The following PLPPR1 variants were observed in gnomAD, a reference collection of about 807,000 sequenced individuals.
PLPPR1 encodes phospholipid phosphatase related 1, also known as phospholipid phosphatase-related protein type 1.
A neutral mutation model predicts 33.1 loss-of-function variants in PLPPR1; 10 were observed. That is an observed-to-expected ratio of 0.30 (90% CI 0.19 to 0.51). The LOEUF (loss-of-function observed/expected upper bound fraction) is 0.51, where lower values mean the gene tolerates loss of function less well. PLPPR1 is among the 20% of genes least tolerant of loss of function. PLPPR1 has a pLI of 0.97. For missense variants in PLPPR1, 304 were observed against 408.1 expected, an observed-to-expected ratio of 0.74 and a Z score of 2.20; for synonymous variants, 151 against 151.0, an observed-to-expected ratio of 1.00 and a Z score of 0.00.
intron 1 of PLPPR1, among the ~76,000 whole-genome samples, chr9:101,152,956 G>T (rs1831611005): frequency 6.6e-6 from 1 of 152,202 alleles, no homozygotes; most frequent in Non-Finnish European, 1.5e-5. Context: ...GTAGCTTGAT[G>T]GGGATGGCAT....
At chr9:101,264,424 C>T (rs1047553634) in intron 2 of PLPPR1, among the ~76,000 whole-genome samples, 1 of 152,156 alleles carries the variant, frequency 6.6e-6, no homozygotes, top group Non-Finnish European at 1.5e-5. Context: ...CAATATCCCC[C>T]CTTCCATTGT....
chr9:101,299,325 A>G (rs1027642140), intron 4 of PLPPR1, among the ~76,000 whole-genome samples: 1 of 152,186 alleles, frequency 6.6e-6, no homozygotes, highest in African/African-American at 2.4e-5. Flanking sequence ...ACTAGGGATC[A>G]GGATTGGGCT....
chr9:101,137,951 A>T (rs1831398346), intron 1 of PLPPR1, among the ~76,000 whole-genome samples: 1 of 152,242 alleles, frequency 6.6e-6, no homozygotes, highest in Non-Finnish European at 1.5e-5. Flanking sequence ...TTAAATCCAG[A>T]TCCTCTGACT....
intron 2 of PLPPR1, among the ~76,000 whole-genome samples, chr9:101,256,780 T>C (rs936744035): frequency 6.6e-6 from 1 of 152,130 alleles, no homozygotes; most frequent in Non-Finnish European, 1.5e-5. Flanking sequence ...TGTTCCTATT[T>C]TGTAACCACA....
At chr9:101,143,991 TGTGG>T (rs1831489593) in intron 1 of PLPPR1, among the ~76,000 whole-genome samples, 1 of 152,346 alleles carries the variant, frequency 6.6e-6, no homozygotes, top group Admixed American at 6.5e-5. Context: ...GTATGTTTAT[TGTGG>T]CACTATTCAC....
At chr9:101,102,155 A>T (rs200226814) in intron 1 of PLPPR1, among the ~76,000 whole-genome samples, 3,195 of 25,994 alleles carry the variant, frequency 0.12, 74 homozygotes, top group East Asian at 0.33. Context: ...TTTTTATTTT[A>T]TTATTATACT....
intron 3 of PLPPR1, among the ~76,000 whole-genome samples, chr9:101,279,152 C>T (rs1013267305): frequency 2.0e-5 from 3 of 151,926 alleles, no homozygotes; most frequent in African/African-American, 7.3e-5. Context: ...TAAGGAAGCT[C>T]AATGAACTTC....
At chr9:101,295,829 G>T (rs1392752867) in intron 4 of PLPPR1, among the ~76,000 whole-genome samples, 1 of 149,584 alleles carries the variant, frequency 6.7e-6, no homozygotes, top group Non-Finnish European at 1.5e-5. Context: ...TTAAACGTTA[G>T]ACCTAAAACC....
intron 1 of PLPPR1, among the ~76,000 whole-genome samples, chr9:101,089,639 T>C (rs928124851): frequency 6.6e-6 from 1 of 152,236 alleles, no homozygotes; most frequent in African/African-American, 2.4e-5. Flanking sequence ...TTTAATAGTG[T>C]TTAACACATG....
At chr9:101,189,284 A>C (rs1184409796) in intron 2 of PLPPR1, among the ~76,000 whole-genome samples, 1 of 152,130 alleles carries the variant, frequency 6.6e-6, no homozygotes, top group Non-Finnish European at 1.5e-5. Flanking sequence ...TCTGATTGGC[A>C]ATTTGTTGAA....
At chr9:101,154,656 T>C (rs1202965636) in intron 1 of PLPPR1, among the ~76,000 whole-genome samples, 4 of 152,090 alleles carry the variant, frequency 2.6e-5, no homozygotes, top group Non-Finnish European at 1.5e-5. Flanking sequence ...TAAAGACACA[T>C]GCACACGTAT....
chr9:101,050,567 T>A (rs1021610984), intron 1 of PLPPR1, among the ~76,000 whole-genome samples: 3 of 152,186 alleles, frequency 2.0e-5, no homozygotes, highest in African/African-American at 7.2e-5. Context: ...AGAGACAGCA[T>A]CTGGGACAGG....
chr9:101,167,185 T>TGTGTGTGTGTG (rs1491118695), intron 1 of PLPPR1, among the ~76,000 whole-genome samples: 41 of 68,140 alleles, frequency 6.0e-4, no homozygotes, highest in Non-Finnish European at 8.8e-4. Context: ...TGTGTGTGTC[T>TGTGTGTGTGTG]TTCTCTCTCT....
chr9:101,032,694 A>T lies in PLPPR1; in HGVS notation c.-46+3592A>T, dbSNP rs141732872. ...TCCTGCATTAGAATAGTAGAAGATA[A>T]ATCATGACTTCCATTTCTCCAACGT... is the stretch of plus-strand genomic sequence containing the variant. On this transcript the variant is annotated intron_variant, in intron 1 of 7. Transcript: ENST00000374874. 4.3e-3 allele frequency among the ~76,000 whole-genome samples: 658 copies of T among 152,270 alleles called. 10 individuals are homozygous for T. The highest frequency in any genetic ancestry group is 0.014 in the African/African-American group (601 of 41,534).
intron 2 of PLPPR1, among the ~76,000 whole-genome samples, chr9:101,260,980 G>C (rs780591357): frequency 9.9e-5 from 15 of 152,150 alleles, no homozygotes; most frequent in Non-Finnish European, 2.2e-4. Flanking sequence ...AAGTAAAAAA[G>C]CACTGAAAAG....
intron 2 of PLPPR1, among the ~76,000 whole-genome samples, chr9:101,193,563 A>G (rs1239603357): frequency 1.3e-5 from 2 of 152,230 alleles, no homozygotes; most frequent in Non-Finnish European, 2.9e-5. Context: ...AAATCTGCAC[A>G]TATCTTAAGA....
At chr9:101,308,552 T>C (rs1282370575) in intron 4 of PLPPR1, among the ~76,000 whole-genome samples, 1 of 152,230 alleles carries the variant, frequency 6.6e-6, no homozygotes, top group Admixed American at 6.5e-5. Context: ...AGGAGGCTAT[T>C]GGTCAACAAC....
intron 1 of PLPPR1, among the ~76,000 whole-genome samples, chr9:101,059,682 A>C (rs1364626108): frequency 6.6e-6 from 1 of 152,130 alleles, no homozygotes; most frequent in Admixed American, 6.6e-5. Context: ...TTTCAAAGGA[A>C]GATTTACAAA....
At position 101,167,186 on chromosome 9, in the gene PLPPR1, TTCTC is replaced by T. The variant is rs1343906630; in HGVS notation, c.-45-18253_-45-18250del. 2.5e-3 allele frequency among the ~76,000 whole-genome samples: 57 copies of T among 23,194 alleles called. 1 individual carries two copies. The highest frequency in any genetic ancestry group is 5.1e-3 in the African/African-American group (45 of 8,778). The allele number at this position is 23,194 out of a possible 152,430, so 15.2% of individuals were successfully genotyped here. ...TGTGTGTGTGTGTGTGTGTGTGTCT[TTCTC>T]TCTCTCTCTCACACACACACACATA... On this transcript the variant is annotated intron_variant, in intron 1 of 7. Coordinates refer to ENST00000374874, the MANE Select transcript of PLPPR1 (RefSeq NM_207299.2).
Sources: gnomAD v4.1 joint callset for allele counts (sites outside exome capture counted in the v4.1 genomes callset) on GRCh38, gnomAD v4.1.1 for gene constraint, MANE v1.5 for transcripts, NCBI Gene and HGNC (gene_info 2026-07-23, HGNC 2026-07-21) for gene names.